The following CENPH variants were observed in gnomAD, a reference collection of about 807,000 sequenced individuals.
CENPH encodes the protein CENP-H.
In CENPH, 40 loss-of-function variants were observed where a neutral mutation model predicts 42.9. The ratio of observed to expected loss-of-function variants is 0.93; its 90% CI spans 0.72 to 1.21. The LOEUF (loss-of-function observed/expected upper bound fraction) is 1.21. CENPH is among the 50% of genes most tolerant of loss of function. CENPH has a pLI of 0.00. For synonymous variants in CENPH, 88 were observed against 96.5 expected (o/e 0.91, Z 0.52); for missense variants, 302 against 292.9 (o/e 1.03, Z -0.23).
At position 69,208,314 on chromosome 5, in the gene CENPH, AC is replaced by A; in HGVS notation, c.607del (p.Gln203ArgfsTer4). On this transcript the variant is annotated frameshift_variant, in exon 8 of 9. Transcript: ENST00000283006. LOFTEE classifies it high-confidence loss of function. The stretch of plus-strand genomic sequence containing the variant: ...GGATAAAGATCATACGACAAAACCT[AC>A]AGATGGAGATAAAAATTACTACTGT... ...ERIKIIRQNLQMEIKITTVIQ... is the reference protein window; with the variant it reads ...ERIKIIRQNLXMEIKITTVIQ... 1.2e-6 allele frequency: 2 copies of A among 1,600,284 alleles called. No homozygotes were observed. The highest frequency in any genetic ancestry group is 1.7e-6 in the Non-Finnish European group (2 of 1,168,474).
intron 8 of CENPH, 60 bp downstream of exon 8, chr5:69,208,419 G>T: frequency 1.8e-6 from 2 of 1,136,334 alleles, no homozygotes; most frequent in Non-Finnish European, 2.5e-6. Context: ...GAGTGAAGTG[G>T]CTCGATCTCA....
At chr5:69,203,240 C>G (rs761843679) in intron 7 of CENPH, among the ~76,000 whole-genome samples, 2 of 152,196 alleles carry the variant, frequency 1.3e-5, no homozygotes, top group Non-Finnish European at 2.9e-5. Flanking sequence ...GATCTTGGCT[C>G]ACTGCAACCT....
chr5:69,196,970 C>A, intron 4 of CENPH, 83 bp from the exon 5 acceptor site: 1 of 816,162 alleles, frequency 1.2e-6, no homozygotes, highest in South Asian at 2.0e-5. Context: ...GAAGGGAAAT[C>A]AATCTTTTTC....
intron 2 of CENPH, among the ~76,000 whole-genome samples, chr5:69,193,900 C>T (rs1176333211): frequency 1.3e-5 from 2 of 152,036 alleles, no homozygotes; most frequent in Non-Finnish European, 2.9e-5. Context: ...GATCCACCTG[C>T]CTCGGCCTCC....
At chr5:69,201,258 A>G (rs1050450876) in intron 5 of CENPH, among the ~76,000 whole-genome samples, 1 of 152,180 alleles carries the variant, frequency 6.6e-6, no homozygotes, top group African/African-American at 2.4e-5. Context: ...CTCCAGCCAT[A>G]CCAAACTACT....
intron 5 of CENPH, among the ~76,000 whole-genome samples, chr5:69,201,519 T>C (rs1012288262): frequency 2.0e-5 from 3 of 152,206 alleles, no homozygotes; most frequent in African/African-American, 7.2e-5. Context: ...AACTATTCTG[T>C]ATGCTGCAAT....
At chr5:69,202,836 G>A in intron 6 of CENPH, 83 bp from the exon 7 acceptor site, 1 of 846,792 alleles carries the variant, frequency 1.2e-6, no homozygotes, top group Middle Eastern at 2.4e-4. Context: ...ACTAAGGCTA[G>A]TAGATAAACT....
chr5:69,204,919 CTTTTT>C (rs375795328), intron 7 of CENPH, among the ~76,000 whole-genome samples: 1 of 99,430 alleles, frequency 1.0e-5, no homozygotes. Context: ...TTTTCTTTTT[CTTTTT>C]TTTTTTTTTT....
At chr5:69,205,059 C>T (rs1347692325) in intron 7 of CENPH, among the ~76,000 whole-genome samples, 1 of 151,358 alleles carries the variant, frequency 6.6e-6, no homozygotes, top group Admixed American at 6.6e-5. Context: ...GCTGGGACTA[C>T]AGGCACCCGC....
In CENPH at chr5:69,189,613, T is replaced by G. The variant is rs766600927; in HGVS notation, c.-22T>G. The G allele has an allele frequency of 1.8e-5, 28 of 1,582,208 alleles. No individual in the cohort carries two copies. Among genetic ancestry groups the G allele is most frequent in the African/African-American group, 1.1e-4 (8 of 74,134 alleles). On this transcript the variant is annotated 5_prime_UTR_variant, in exon 1 of 9. Transcript: ENST00000283006. Reference sequence around the variant, plus strand: ...CTGAGCGCGTTTGCCTGTTGAGTGGTAGCCTTTCCCCTCAACCAGCAATGG... The same window carrying G: ...CTGAGCGCGTTTGCCTGTTGAGTGGGAGCCTTTCCCCTCAACCAGCAATGG...
intron 1 of CENPH, among the ~76,000 whole-genome samples, chr5:69,191,231 G>C (rs187594704): frequency 1.3e-5 from 2 of 152,018 alleles, no homozygotes; most frequent in African/African-American, 4.8e-5. Context: ...AATCTTAAGC[G>C]GCCGGGTGCG....
Position 69,204,597 on chromosome 5 carries a change from C to CT in CENPH, c.487+1651dup, listed in dbSNP as rs530678541. Reference sequence around the variant, plus strand: ...GAGCTACCACACCTGGCTTGTATTTCTTTTTTTTTTTTTTTTTTTTTTTTG... The same window carrying CT: ...GAGCTACCACACCTGGCTTGTATTTCTTTTTTTTTTTTTTTTTTTTTTTTTG... On this transcript the variant is annotated intron_variant, in intron 7 of 8. Transcript: ENST00000283006. Among the ~76,000 whole-genome samples the CT allele has an allele frequency of 6.0e-3, 418 of 69,570 alleles. 24 individuals carry two copies. Among genetic ancestry groups the CT allele is most frequent in the African/African-American group, 8.3e-3 (137 of 16,476 alleles). The allele number at this position is 69,570 out of a possible 152,430, so 45.6% of individuals were successfully genotyped here.
rs1315371812 is a variant in CENPH, at chr5:69,194,637, T to C, written c.191-10T>C. On this transcript the variant is annotated splice_polypyrimidine_tract_variant and intron_variant, in intron 2 of 8. Transcript: ENST00000283006. Reference sequence around the variant, plus strand: ...AATGTTAGTAACTTCAAAAAATTATTTATTTGCAGGTGAAGAAAAAACTCC... The same window carrying C: ...AATGTTAGTAACTTCAAAAAATTATCTATTTGCAGGTGAAGAAAAAACTCC... 6 of 1,542,660 alleles carry C rather than the reference T, an allele frequency of 3.9e-6. No homozygotes were observed. The highest frequency in any genetic ancestry group is 5.3e-6 in the Non-Finnish European group (6 of 1,128,324).
At chr5:69,209,102 A>T (rs1219066219) in intron 8 of CENPH, among the ~76,000 whole-genome samples, 2 of 152,212 alleles carry the variant, frequency 1.3e-5, no homozygotes, top group Non-Finnish European at 2.9e-5. Context: ...GCACGCTGCA[A>T]GTATTTTTAA....
chr5:69,197,959 C>T (rs1187729430), intron 5 of CENPH, among the ~76,000 whole-genome samples: 2 of 129,958 alleles, frequency 1.5e-5, no homozygotes, highest in Non-Finnish European at 3.1e-5. Context: ...CTTGCTCTGT[C>T]GCCCAGGCCG....
At chr5:69,207,154 T>C (rs1001306656) in intron 7 of CENPH, among the ~76,000 whole-genome samples, 14 of 152,080 alleles carry the variant, frequency 9.2e-5, no homozygotes, top group African/African-American at 3.4e-4. Context: ...ATACAAAAAA[T>C]GATTGATGAT....
intron 4 of CENPH, 73 bp downstream of exon 4, chr5:69,195,864 T>G: frequency 2.8e-6 from 2 of 705,002 alleles, no homozygotes; most frequent in Non-Finnish European, 5.0e-6. Context: ...GTGGAGGGAA[T>G]CTTTTAACTG....
chr5:69,206,052 G>A (rs954652741), intron 7 of CENPH, among the ~76,000 whole-genome samples: 1 of 151,778 alleles, frequency 6.6e-6, no homozygotes, highest in Non-Finnish European at 1.5e-5. Flanking sequence ...TATAGAGACA[G>A]GATTCATTCA....
intron 5 of CENPH, chr5:69,197,567 C>T (rs6861518): frequency 6.6e-6 from 1 of 152,082 alleles, no homozygotes; most frequent in Non-Finnish European, 1.5e-5. Context: ...AAACCAAACA[C>T]CGCATGTTCT....
Sources: gnomAD v4.1 joint callset for allele counts (sites outside exome capture counted in the v4.1 genomes callset) on GRCh38, gnomAD v4.1.1 for gene constraint, MANE v1.5 for transcripts, NCBI Gene and HGNC (gene_info 2026-07-23, HGNC 2026-07-21) for gene names.